NMNAT2: variants seen among roughly 807,000 people sequenced by gnomAD.
NMNAT2 encodes nicotinamide nucleotide adenylyltransferase 2, also known as nicotinamide/nicotinic acid mononucleotide adenylyltransferase 2.
Under a neutral mutation model 41.6 loss-of-function variants are expected in NMNAT2, and 11 were observed. That is an observed-to-expected ratio of 0.26 (90% CI 0.17 to 0.44). The LOEUF (loss-of-function observed/expected upper bound fraction) is 0.44. Ranked by LOEUF, NMNAT2 falls within the 20% of genes least tolerant of loss-of-function variation. The pLI is 1.00. For missense variants in NMNAT2, 288 were observed against 407.7 expected (o/e 0.71, Z 2.53); for synonymous variants, 148 against 151.2 (o/e 0.98, Z 0.16).
intron 1 of NMNAT2, among the ~76,000 whole-genome samples, chr1:183,343,044 A>C (rs1024775723): frequency 1.3e-5 from 2 of 152,040 alleles, no homozygotes; most frequent in Non-Finnish European, 1.5e-5. Flanking sequence ...TCCAGCCTCA[A>C]ACTCATTTTA....
At chr1:183,396,452 AG>A (rs749011965) in intron 1 of NMNAT2, among the ~76,000 whole-genome samples, 1 of 152,174 alleles carries the variant, frequency 6.6e-6, no homozygotes, top group Non-Finnish European at 1.5e-5. Context: ...AGTGGGCTCA[AG>A]CATGTGCACT....
chr1:183,340,370 T>C (rs528093623), intron 1 of NMNAT2, among the ~76,000 whole-genome samples: 1 of 147,732 alleles, frequency 6.8e-6, no homozygotes, highest in East Asian at 2.1e-4. Context: ...CCACCCAGGC[T>C]AGAGTGCAGT....
rs1188881109 is a variant in NMNAT2 at position 183,350,434 on chromosome 1, A to G, written c.86-56641T>C. Among the ~76,000 whole-genome samples the G allele has an allele frequency of 2.0e-5, 3 of 152,198 alleles. 1 individual carries two copies. The highest frequency in any genetic ancestry group is 7.2e-5 in the African/African-American group (3 of 41,444). ...AGGGGGAAAGAAAACAGAAAGAAAGAAGGGGCCCTCCTTCAGAAAGTGAAA... is the reference window on the plus strand; with the variant it reads ...AGGGGGAAAGAAAACAGAAAGAAAGGAGGGGCCCTCCTTCAGAAAGTGAAA... On this transcript the variant is annotated intron_variant, in intron 1 of 10. Coordinates refer to ENST00000287713, the MANE Select transcript of NMNAT2 (RefSeq NM_015039.4).
chr1:183,403,451 C>CA (rs1367752896), intron 1 of NMNAT2, among the ~76,000 whole-genome samples: 47 of 141,508 alleles, frequency 3.3e-4, no homozygotes, highest in African/African-American at 5.9e-4. Flanking sequence ...CCCCCCCCCC[C>CA]AAAAAAAATG....
chr1:183,366,055 C>A (rs555460766), intron 1 of NMNAT2, among the ~76,000 whole-genome samples: 1 of 152,306 alleles, frequency 6.6e-6, no homozygotes, highest in African/African-American at 2.4e-5. Context: ...TACCACTACA[C>A]CCTGGGGTAA....
chr1:183,265,258 C>CTTTTTTTTTTTTTTTTT (rs67117635), intron 8 of NMNAT2, among the ~76,000 whole-genome samples: 1 of 64,526 alleles, frequency 1.5e-5, no homozygotes, highest in Non-Finnish European at 2.7e-5. Context: ...TCTTCTTCTT[C>CTTTTTTTTTTTTTTTTT]TTTTTTTTTT....
chr1:183,260,465 C>T (rs1022621629), intron 10 of NMNAT2, among the ~76,000 whole-genome samples: 1 of 11,870 alleles, frequency 8.4e-5, no homozygotes, highest in Non-Finnish European at 6.8e-4. Context: ...ACTGAAAACA[C>T]CCTGTTCTCC....
intron 4 of NMNAT2, among the ~76,000 whole-genome samples, chr1:183,287,998 C>G (rs922329602): frequency 2.6e-5 from 4 of 152,142 alleles, no homozygotes; most frequent in African/African-American, 9.7e-5. Context: ...GTGGGTACCA[C>G]GGGATCTTTT....
chr1:183,391,316 CTG>C (rs1485093198), intron 1 of NMNAT2, among the ~76,000 whole-genome samples: 1 of 152,192 alleles, frequency 6.6e-6, no homozygotes, highest in Non-Finnish European at 1.5e-5. Context: ...GTCTGTAACT[CTG>C]TATTCTCTAC....
chr1:183,369,637 T>C (rs1296898866), intron 1 of NMNAT2, among the ~76,000 whole-genome samples: 2 of 152,030 alleles, frequency 1.3e-5, no homozygotes, highest in Admixed American at 1.3e-4. Flanking sequence ...TTTAACTGTC[T>C]TTAAGCAAAC....
intron 1 of NMNAT2, among the ~76,000 whole-genome samples, chr1:183,354,590 C>A (rs1482156203): frequency 6.6e-6 from 1 of 151,692 alleles, no homozygotes; most frequent in Non-Finnish European, 1.5e-5. Context: ...TTTTGTATGA[C>A]CTTGTTTATA....
intron 1 of NMNAT2, among the ~76,000 whole-genome samples, chr1:183,355,555 G>A (rs546881417): frequency 6.6e-6 from 1 of 152,346 alleles, no homozygotes; most frequent in South Asian, 2.1e-4. Flanking sequence ...CTTTACTTGA[G>A]TGAAAACTCC....
chr1:183,301,236 C>T (rs1661842673), intron 1 of NMNAT2, among the ~76,000 whole-genome samples: 3 of 152,224 alleles, frequency 2.0e-5, no homozygotes, highest in Admixed American at 1.3e-4. Flanking sequence ...CCAAATGAGA[C>T]CAAGGCTGCA....
intron 8 of NMNAT2, among the ~76,000 whole-genome samples, chr1:183,272,739 G>A (rs377095928): frequency 6.6e-6 from 1 of 152,222 alleles, no homozygotes; most frequent in Non-Finnish European, 1.5e-5. Context: ...GGTCTCAGCC[G>A]GTTCCAGCCT....
chr1:183,294,528 C>T (rs928061197), intron 1 of NMNAT2, among the ~76,000 whole-genome samples: 1 of 152,180 alleles, frequency 6.6e-6, no homozygotes, highest in Non-Finnish European at 1.5e-5. Context: ...TGTGGTGGCT[C>T]ACACCTGTAA....
Position 183,342,022 on chromosome 1 carries a change from CTTT to C in NMNAT2, c.86-48232_86-48230del, listed in dbSNP as rs11355849. Reference sequence around the variant, plus strand: ...GGTTGTCTTTATCTTCCTTCCTCACCTTTTTTTTTTTTTTTTTTTACCAACCCT... The same window carrying C: ...GGTTGTCTTTATCTTCCTTCCTCACCTTTTTTTTTTTTTTTTACCAACCCT... On this transcript the variant is annotated intron_variant, in intron 1 of 10. Coordinates refer to ENST00000287713, the MANE Select transcript of NMNAT2 (RefSeq NM_015039.4). 8.0e-3 allele frequency among the ~76,000 whole-genome samples: 1,060 copies of C among 132,516 alleles called. 13 individuals are homozygous for C. Among genetic ancestry groups the C allele is most frequent in the African/African-American group, 0.027 (979 of 35,792 alleles). 86.9% of individuals were successfully genotyped at this position (132,516 alleles called of 152,430 possible).
chr1:183,261,448 T>C lies in NMNAT2; in HGVS notation c.652-145A>G. On this transcript the variant is annotated intron_variant, in intron 8 of 10. Transcript: ENST00000287713. ...CAAACCGGCCTTCTTCTCAGCCCCA[T>C]CAGCCAGCTCCTTCAAGGAACAACA... 1.2e-5 allele frequency: 8 copies of C among 695,088 alleles called. No individual in the cohort carries two copies. The South Asian group carries it at 1.4e-4, about 12-fold the overall frequency. The allele number at this position is 695,088 out of a possible 1,614,324, so 43.1% of individuals were successfully genotyped here. A position where few individuals can be genotyped will look rare whatever the true frequency, so the allele number is the denominator to read the frequency against.
At chr1:183,363,579 T>TATACAC (rs1553218836) in intron 1 of NMNAT2, among the ~76,000 whole-genome samples, 2 of 147,482 alleles carry the variant, frequency 1.4e-5, no homozygotes, top group East Asian at 2.0e-4. Context: ...CACACACACA[T>TATACAC]ACACACACAC....
chr1:183,340,120 G>C (rs1250773192), intron 1 of NMNAT2, among the ~76,000 whole-genome samples: 1 of 152,226 alleles, frequency 6.6e-6, no homozygotes, highest in African/African-American at 2.4e-5. Flanking sequence ...TAGAGAATCA[G>C]ACTTTCTGGC....
Sources: gnomAD v4.1 joint callset for allele counts (sites outside exome capture counted in the v4.1 genomes callset) on GRCh38, gnomAD v4.1.1 for gene constraint, MANE v1.5 for transcripts, NCBI Gene and HGNC (gene_info 2026-07-23, HGNC 2026-07-21) for gene names.